TMEM117: variants seen among roughly 807,000 people sequenced by gnomAD.
TMEM117 encodes the protein transmembrane protein 117.
Under a neutral mutation model 52.4 loss-of-function variants are expected in TMEM117, and 27 were observed. The observed-to-expected ratio is 0.51, with a 90% CI of 0.38 to 0.71. The LOEUF (loss-of-function observed/expected upper bound fraction) is 0.71. TMEM117 is among the 30% of genes least tolerant of loss of function. The pLI, the probability that TMEM117 is intolerant of heterozygous loss-of-function variation, is 0.00. For missense variants in TMEM117, 556 were observed against 630.5 expected (o/e 0.88, Z 1.26); for synonymous variants, 215 against 206.3 (o/e 1.04, Z -0.36).
intron 2 of TMEM117, among the ~76,000 whole-genome samples, chr12:43,891,524 C>A (rs1344337541): frequency 6.6e-6 from 1 of 151,742 alleles, no homozygotes; most frequent in African/African-American, 2.4e-5. Context: ...AGGCACCCAC[C>A]ACCATGCCCG....
chr12:44,322,739 G>A (rs566853363), intron 6 of TMEM117, among the ~76,000 whole-genome samples: 11 of 152,120 alleles, frequency 7.2e-5, no homozygotes, highest in Non-Finnish European at 1.3e-4. Context: ...CAGATAGGTT[G>A]TAAGAATATA....
At chr12:44,052,108 C>T (rs1946983483) in intron 3 of TMEM117, among the ~76,000 whole-genome samples, 1 of 152,124 alleles carries the variant, frequency 6.6e-6, no homozygotes, top group African/African-American at 2.4e-5. Context: ...ATATGTGTGG[C>T]ACATAATAAA....
chr12:43,892,815 A>C (rs576838010), intron 2 of TMEM117, among the ~76,000 whole-genome samples: 1 of 152,386 alleles, frequency 6.6e-6, no homozygotes, highest in African/African-American at 2.4e-5. Flanking sequence ...ATGAATAGTA[A>C]ATGTCAGATG....
chr12:44,384,802 G>T (rs1253079221), intron 7 of TMEM117, among the ~76,000 whole-genome samples: 1 of 151,988 alleles, frequency 6.6e-6, no homozygotes, highest in Non-Finnish European at 1.5e-5. Flanking sequence ...ATATTGTCTG[G>T]ATTGAAGAAG....
chr12:44,345,015 G>A (rs746041525), intron 6 of TMEM117, among the ~76,000 whole-genome samples: 7 of 151,968 alleles, frequency 4.6e-5, no homozygotes, highest in Admixed American at 2.0e-4. Flanking sequence ...CAGTCATCAA[G>A]AATCACAACA....
At chr12:43,949,157 AG>A (rs1945180875) in intron 3 of TMEM117, among the ~76,000 whole-genome samples, 1 of 152,218 alleles carries the variant, frequency 6.6e-6, no homozygotes, top group Non-Finnish European at 1.5e-5. Context: ...AAGGGACATA[AG>A]GCAGAGTGAG....
intron 5 of TMEM117, among the ~76,000 whole-genome samples, chr12:44,286,759 C>T (rs974355553): frequency 3.3e-5 from 5 of 151,992 alleles, no homozygotes; most frequent in African/African-American, 1.2e-4. Flanking sequence ...GTCTCTAATC[C>T]CATATATAAT....
chr12:43,888,628 A>G (rs1425589538), intron 2 of TMEM117, among the ~76,000 whole-genome samples: 1 of 147,252 alleles, frequency 6.8e-6, no homozygotes, highest in East Asian at 2.0e-4. Flanking sequence ...GCTCACTGCA[A>G]GCTCCGCCTC....
intron 3 of TMEM117, among the ~76,000 whole-genome samples, chr12:44,086,665 T>A (rs1947572280): frequency 6.6e-6 from 1 of 152,116 alleles, no homozygotes; most frequent in African/African-American, 2.4e-5. Flanking sequence ...CAAGCAAAAT[T>A]CTATCTGGAT....
At chr12:44,007,644 CA>C (rs1426972790) in intron 3 of TMEM117, among the ~76,000 whole-genome samples, 2 of 152,124 alleles carry the variant, frequency 1.3e-5, no homozygotes, top group Non-Finnish European at 2.9e-5. Context: ...TGTCCCCACC[CA>C]AATCTCATCT....
intron 3 of TMEM117, among the ~76,000 whole-genome samples, chr12:43,959,491 A>G (rs1388427567): frequency 6.6e-6 from 1 of 152,194 alleles, no homozygotes; most frequent in Non-Finnish European, 1.5e-5. Context: ...TAAGTTCACC[A>G]TTTTCAACAC....
intron 2 of TMEM117, among the ~76,000 whole-genome samples, chr12:43,903,854 A>C (rs1944342824): frequency 6.6e-6 from 1 of 152,068 alleles, no homozygotes; most frequent in South Asian, 2.1e-4. Flanking sequence ...TCCTACCACC[A>C]AGAATGGCTG....
In TMEM117 at chr12:44,168,210, G is replaced by A. The variant is rs113777671; in HGVS notation, c.510+24586G>A. On this transcript the variant is annotated intron_variant, in intron 4 of 7. Coordinates refer to ENST00000266534, the MANE Select transcript of TMEM117 (RefSeq NM_032256.3). Reference sequence around the variant, plus strand: ...GGAGGTTGCAGGGAGCTGAGATGGCGCTACTGGACTCCAGCCTGAGCAACA... The same window carrying A: ...GGAGGTTGCAGGGAGCTGAGATGGCACTACTGGACTCCAGCCTGAGCAACA... 6.8e-3 allele frequency among the ~76,000 whole-genome samples: 1,038 copies of A among 151,540 alleles called. 14 individuals carry two copies. Among genetic ancestry groups the A allele is most frequent in the African/African-American group, 0.024 (994 of 41,300 alleles).
intron 2 of TMEM117, among the ~76,000 whole-genome samples, chr12:43,896,171 C>G (rs1944198117): frequency 6.6e-6 from 1 of 152,148 alleles, no homozygotes; most frequent in African/African-American, 2.4e-5. Flanking sequence ...TAATAAAATA[C>G]TAACATTAAT....
intron 3 of TMEM117, among the ~76,000 whole-genome samples, chr12:44,093,551 G>A (rs1947709059): frequency 6.6e-6 from 1 of 152,072 alleles, no homozygotes; most frequent in Non-Finnish European, 1.5e-5. Flanking sequence ...TGAAAATCAG[G>A]TGATGGATGT....
At chr12:43,977,019 G>T (rs1315626641) in intron 3 of TMEM117, among the ~76,000 whole-genome samples, 1 of 152,202 alleles carries the variant, frequency 6.6e-6, no homozygotes, top group Non-Finnish European at 1.5e-5. Flanking sequence ...CAGCTAAGCA[G>T]TTATGTTATT....
chr12:44,379,660 G>T (rs1036888557), intron 7 of TMEM117, among the ~76,000 whole-genome samples: 1 of 152,132 alleles, frequency 6.6e-6, no homozygotes, highest in Non-Finnish European at 1.5e-5. Context: ...ACATTTGTAA[G>T]ACAATTGTTT....
chr12:44,332,738 C>G (rs1951288585), intron 6 of TMEM117, among the ~76,000 whole-genome samples: 1 of 151,508 alleles, frequency 6.6e-6, no homozygotes, highest in Non-Finnish European at 1.5e-5. Context: ...CACACACACA[C>G]ACACACACAC....
In TMEM117 at chr12:44,229,765, TAAC is replaced by T. The variant is rs775328333; in HGVS notation, c.608+18381_608+18383del. Among the ~76,000 whole-genome samples, 21 of 152,270 alleles carry T rather than the reference TAAC, an allele frequency of 1.4e-4. 1 individual carries two copies. Among genetic ancestry groups the T allele is most frequent in the Non-Finnish European group, 2.8e-4 (19 of 68,002 alleles). ...GGAGCCATAATTAATCTGTAGCATT[TAAC>T]AAGTGTTAGCTTTAACTACATTGGA... On this transcript the variant is annotated intron_variant, in intron 5 of 7. Coordinates refer to ENST00000266534, the MANE Select transcript of TMEM117 (RefSeq NM_032256.3).
Sources: allele counts gnomAD v4.1 joint callset (sites outside exome capture counted in the v4.1 genomes callset), GRCh38; gene constraint gnomAD v4.1.1; transcripts MANE v1.5; gene names NCBI Gene and HGNC (gene_info 2026-07-23, HGNC 2026-07-21).